SV2C: variants seen among roughly 807,000 people sequenced by gnomAD.
SV2C encodes solute carrier family 22 member B3.
Under a neutral mutation model 79.7 loss-of-function variants are expected in SV2C, and 49 were observed. The ratio of observed to expected loss-of-function variants is 0.61; its 90% CI spans 0.49 to 0.78. SV2C has a LOEUF of 0.78. SV2C is among the 30% of genes least tolerant of loss of function. The probability of loss-of-function intolerance (pLI) is 0.00; values close to 1 mark genes in which losing one functional copy is unlikely to be tolerated. For synonymous variants in SV2C, 334 were observed against 333.2 expected (o/e 1.00, Z -0.03); for missense variants, 833 against 912.9 (o/e 0.91, Z 1.13).
the SV2C span, among the ~76,000 whole-genome samples, chr5:75,867,448 C>A: frequency 1.3e-5 from 2 of 151,746 alleles, no homozygotes; most frequent in African/African-American, 4.8e-5. Flanking sequence ...ACCCTGAGAG[C>A]GAAGGAGAGA....
chr5:75,902,583 C>T, the SV2C span, among the ~76,000 whole-genome samples: 299 of 152,310 alleles, frequency 2.0e-3, no homozygotes, highest in Middle Eastern at 6.8e-3. Context: ...TTTCCCAGAG[C>T]TCAAATGGTC....
chr5:76,101,523 T>C (rs1308494445), intron 1 of SV2C, among the ~76,000 whole-genome samples: 1 of 152,120 alleles, frequency 6.6e-6, no homozygotes, highest in Non-Finnish European at 1.5e-5. Context: ...GTGCCTGTTC[T>C]CATGGAGTTT....
Position 76,253,402 on chromosome 5 carries a change from T to C in SV2C, c.914-31760T>C, listed in dbSNP as rs116984861. ...GGTCTCCCGGGCTCAAGCGAAAATC[T>C]CCTTTGGATCAAAACTAGTCTGTGG... On this transcript the variant is annotated intron_variant, in intron 4 of 12. Transcript: ENST00000502798. Among the ~76,000 whole-genome samples the C allele has an allele frequency of 2.0e-3, 301 of 152,262 alleles. 11 individuals carry two copies. In the East Asian group the frequency reaches 0.057, roughly 29 times the overall value.
chr5:76,207,556 A>C (rs1416618544), intron 3 of SV2C, among the ~76,000 whole-genome samples: 1 of 152,270 alleles, frequency 6.6e-6, no homozygotes, highest in Non-Finnish European at 1.5e-5. Context: ...CTATACCAAT[A>C]AGCATCACAC....
chr5:76,078,761 G>A (rs1425661476), upstream of SV2C: 11 of 577,778 alleles, frequency 1.9e-5, no homozygotes, highest in Admixed American at 1.5e-4. Flanking sequence ...TTTTCCAGGA[G>A]CAGGGGATGG....
At chr5:76,002,867 G>GT in the SV2C span, among the ~76,000 whole-genome samples, 20 of 151,344 alleles carry the variant, frequency 1.3e-4, no homozygotes, top group East Asian at 1.6e-3. Context: ...CTGTGCGTGT[G>GT]TTTTTTTTAA....
intron 1 of SV2C, among the ~76,000 whole-genome samples, chr5:76,122,951 A>G (rs1424556175): frequency 6.6e-6 from 1 of 152,202 alleles, no homozygotes; most frequent in Non-Finnish European, 1.5e-5. Flanking sequence ...TGAAAGGATC[A>G]GCAAAATTGA....
intron 4 of SV2C, among the ~76,000 whole-genome samples, chr5:76,248,378 G>A (rs1287738295): frequency 6.6e-6 from 1 of 152,108 alleles, no homozygotes; most frequent in Non-Finnish European, 1.5e-5. Flanking sequence ...GTTCTCACAT[G>A]GTCATTTCTC....
At chr5:75,956,684 A>G in the SV2C span, among the ~76,000 whole-genome samples, 70 of 152,068 alleles carry the variant, frequency 4.6e-4, no homozygotes, top group African/African-American at 1.6e-3. Flanking sequence ...AGTATACTAC[A>G]CCAAAGTCAG....
chr5:75,855,705 A>C, the SV2C span, among the ~76,000 whole-genome samples: 2 of 152,204 alleles, frequency 1.3e-5, no homozygotes, highest in Non-Finnish European at 2.9e-5. Context: ...TATGGGGTAC[A>C]TGAGATATTT....
Position 76,344,300 on chromosome 5 carries a change from T to C in SV2C, c.2001-8830T>C, listed in dbSNP as rs139541204. Among the ~76,000 whole-genome samples, 993 of 152,346 alleles carry C rather than the reference T, an allele frequency of 6.5e-3. 10 individuals carry two copies. The highest frequency in any genetic ancestry group is 0.023 in the African/African-American group (936 of 41,576). ...TTGTTACAAAAGAAATACATCCCTATGGGAAAGAGACACTCTCTTTTTCCA... is the reference window on the plus strand; with the variant it reads ...TTGTTACAAAAGAAATACATCCCTACGGGAAAGAGACACTCTCTTTTTCCA... On this transcript the variant is annotated intron_variant, in intron 12 of 12. Transcript: ENST00000322285.
the SV2C span, among the ~76,000 whole-genome samples, chr5:75,874,681 C>T: frequency 6.6e-6 from 1 of 152,070 alleles, no homozygotes; most frequent in East Asian, 1.9e-4. Flanking sequence ...CAAAAAAGCT[C>T]CTCCAGCTGA....
intron 2 of SV2C, among the ~76,000 whole-genome samples, chr5:76,178,397 G>C (rs969491880): frequency 2.0e-5 from 3 of 152,074 alleles, no homozygotes; most frequent in Non-Finnish European, 4.4e-5. Flanking sequence ...TTCTTTTTCA[G>C]GTGTAGTATT....
At chr5:75,909,473 G>A in the SV2C span, among the ~76,000 whole-genome samples, 1 of 152,222 alleles carries the variant, frequency 6.6e-6, no homozygotes, top group Admixed American at 6.5e-5. Context: ...TACTGTAGGA[G>A]TGCCAGGACT....
the SV2C span, among the ~76,000 whole-genome samples, chr5:76,030,285 T>TA: frequency 6.4e-5 from 7 of 109,954 alleles, no homozygotes; most frequent in African/African-American, 3.2e-4. Context: ...TTTTTTTTTT[T>TA]TTTTTTTATT....
chr5:75,934,146 T>C, the SV2C span, among the ~76,000 whole-genome samples: 26,049 of 152,054 alleles, frequency 0.17, 2,311 homozygotes, highest in Middle Eastern at 0.19. Flanking sequence ...AGAGGTGACA[T>C]TGGGATTCAA....
chr5:76,096,329 C>A (rs1163990496), intron 1 of SV2C, among the ~76,000 whole-genome samples: 1 of 152,034 alleles, frequency 6.6e-6, no homozygotes, highest in Non-Finnish European at 1.5e-5. Context: ...ATTCTTTATG[C>A]TGAGAAAAAA....
At chr5:76,127,440 T>C (rs1214239053) in intron 1 of SV2C, among the ~76,000 whole-genome samples, 1 of 152,248 alleles carries the variant, frequency 6.6e-6, no homozygotes, top group African/African-American at 2.4e-5. Context: ...TGTCATTGAC[T>C]ATATCAGATT....
chr5:76,271,616 C>CTGTTTTTTGTTTT (rs1746861989), intron 4 of SV2C, among the ~76,000 whole-genome samples: 1 of 96,062 alleles, frequency 1.0e-5, no homozygotes, highest in Non-Finnish European at 2.0e-5. Context: ...AGCATGTGTT[C>CTGTTTTTTGTTTT]TTTTTTTTTT....
Sources: allele counts gnomAD v4.1 joint callset (sites outside exome capture counted in the v4.1 genomes callset), GRCh38; gene constraint gnomAD v4.1.1; transcripts MANE v1.5; gene names NCBI Gene and HGNC (gene_info 2026-07-23, HGNC 2026-07-21).